C4orf50: variants seen among roughly 807,000 people sequenced by gnomAD.
C4orf50 encodes uncharacterized protein C4orf50.
Under a neutral mutation model 77.2 loss-of-function variants are expected in C4orf50, and 80 were observed. That is an observed-to-expected ratio of 1.04 (90% CI 0.87 to 1.25). The LOEUF is 1.25. C4orf50 is among the 50% of genes most tolerant of loss of function. C4orf50 has a pLI of 0.00. For missense variants in C4orf50, 1,257 were observed against 1,152.9 expected (o/e 1.09, Z -1.31); for synonymous variants, 532 against 465.3 (o/e 1.14, Z -1.84).
intron 25 of C4orf50, among the ~76,000 whole-genome samples, chr4:5,997,847 G>A (rs192398119): frequency 7.2e-5 from 11 of 152,276 alleles, no homozygotes; most frequent in Admixed American, 5.9e-4. Context: ...TTCTCTACAG[G>A]ATCTTCTGCA....
At chr4:5,912,166 T>C (rs181924938) in intron 7 of C4orf50, among the ~76,000 whole-genome samples, 2 of 152,290 alleles carry the variant, frequency 1.3e-5, no homozygotes, top group Non-Finnish European at 2.9e-5. Flanking sequence ...CTATGGCTGA[T>C]TTTAAGCTGC....
chr4:5,947,991 C>T (rs947742092), intron 7 of C4orf50, among the ~76,000 whole-genome samples: 11 of 152,178 alleles, frequency 7.2e-5, no homozygotes, highest in African/African-American at 1.7e-4. Flanking sequence ...CCCCTATGTG[C>T]GCCCACAGGA....
intron 7 of C4orf50, among the ~76,000 whole-genome samples, chr4:5,937,743 G>A (rs180697157): frequency 1.6e-4 from 24 of 152,168 alleles, no homozygotes; most frequent in African/African-American, 4.3e-4. Flanking sequence ...GGGAAAAGGT[G>A]TACCAAGCAA....
chr4:5,958,625 G>A lies in C4orf50; in HGVS notation c.*750C>T, dbSNP rs3733190. The A allele has an allele frequency of 0.26, 39,432 of 151,968 alleles. 5,542 individuals are homozygous for A. Among genetic ancestry groups the A allele is most frequent in the Non-Finnish European group, 0.32 (21,701 of 67,992 alleles). 9.4% of individuals were successfully genotyped at this position (151,968 alleles called of 1,614,324 possible). ...TCTCCCATTGTCCTGTGAGGTCCCCGGCGCCAGGATCAACATTGACTTGTC... is the reference window on the plus strand; with the variant it reads ...TCTCCCATTGTCCTGTGAGGTCCCCAGCGCCAGGATCAACATTGACTTGTC... On this transcript the variant is annotated 3_prime_UTR_variant, in exon 34 of 34. Transcript: ENST00000531445. The surrounding 1 kb of genome is among the most constrained non-coding windows in gnomAD (Gnocchi z 5.4).
intron 29 of C4orf50, among the ~76,000 whole-genome samples, chr4:5,976,458 A>G (rs1203469704): frequency 2.9e-4 from 6 of 20,932 alleles, no homozygotes; most frequent in African/African-American, 4.1e-4. Flanking sequence ...TCTGTCTCGG[A>G]AAAAAAAAAA....
chr4:5,929,496 C>A (rs1040523795), intron 7 of C4orf50, among the ~76,000 whole-genome samples: 2 of 152,092 alleles, frequency 1.3e-5, no homozygotes, highest in African/African-American at 4.8e-5. Context: ...TTTTATAAAC[C>A]CAAGAGAACT....
chr4:5,955,296 C>T (rs189311208), downstream of C4orf50, among the ~76,000 whole-genome samples: 37 of 152,078 alleles, frequency 2.4e-4, no homozygotes, highest in African/African-American at 7.7e-4. The surrounding 1 kb of genome is among the most constrained non-coding windows in gnomAD (Gnocchi z 5.1). Flanking sequence ...ATGAAATCAC[C>T]GAGGCGGGGA....
At chr4:5,907,531 T>C (rs1297654667) in intron 7 of C4orf50, among the ~76,000 whole-genome samples, 1 of 152,066 alleles carries the variant, frequency 6.6e-6, no homozygotes, top group Admixed American at 6.5e-5. Flanking sequence ...AAATGAAAAA[T>C]AGAATAACTG....
chr4:5,966,700 AGTACAGTG>A (rs938266311), intron 32 of C4orf50, among the ~76,000 whole-genome samples: 2 of 148,144 alleles, frequency 1.4e-5, no homozygotes, highest in African/African-American at 2.5e-5. Flanking sequence ...ACTAGGCTGG[AGTACAGTG>A]GTGTTATCTC....
In C4orf50 at chr4:6,011,970, T is replaced by C. The variant is rs1181046372; in HGVS notation, c.288-2A>G. On this transcript the variant is annotated splice_acceptor_variant, in intron 23 of 33. Coordinates refer to ENST00000531445, the Ensembl canonical transcript of C4orf50. LOFTEE classifies it high-confidence loss of function. The surrounding 1 kb of genome is among the most constrained non-coding windows in gnomAD (Gnocchi z 4.2). ...TCTGACAGCTCCAGCTCCTGAATTC[T>C]GCAGCATGAAAAGCAGGGAGGCACT... is the stretch of plus-strand genomic sequence containing the variant. The C allele has an allele frequency of 1.5e-5, 6 of 398,958 alleles. No individual in the cohort carries two copies. In the South Asian group the frequency reaches 3.8e-4, roughly 25 times the overall value. The allele number at this position is 398,958 out of a possible 1,614,324, so 24.7% of individuals were successfully genotyped here. A position where few individuals can be genotyped will look rare whatever the true frequency, so the allele number is the denominator to read the frequency against.
chr4:5,982,714 G>C (rs1160138912), intron 28 of C4orf50, among the ~76,000 whole-genome samples: 1 of 152,056 alleles, frequency 6.6e-6, no homozygotes, highest in East Asian at 1.9e-4. Context: ...GCAGAGTTGG[G>C]AGGAGACACA....
intron 25 of C4orf50, among the ~76,000 whole-genome samples, chr4:5,998,914 A>C (rs1018940008): frequency 2.0e-5 from 3 of 152,200 alleles, no homozygotes; most frequent in Non-Finnish European, 4.4e-5. Context: ...CCCTGAGCAG[A>C]AACCCTGTCC....
chr4:6,001,284 G>A (rs1333891584), intron 25 of C4orf50, among the ~76,000 whole-genome samples: 1 of 152,162 alleles, frequency 6.6e-6, no homozygotes, highest in Admixed American at 6.5e-5. Context: ...CGAGTAGCTG[G>A]GATTACAGGC....
Position 6,018,367 on chromosome 4 carries a change from C to T in C4orf50, c.65G>A (p.Ser22Asn), listed in dbSNP as rs993623705. The change falls in exon 23 of 34, where the codon AGT (serine) becomes AAT (asparagine). Residue 22 changes from serine to asparagine, a missense_variant. By Grantham distance (46) the Ser-to-Asn change is conservative. Coordinates refer to ENST00000531445, the Ensembl canonical transcript of C4orf50. This position sits in a 1 kb window ranked among gnomAD's most constrained non-coding sequence, Gnocchi z 5.1. ...AACGTTCATTATGTCGAACCCCTCACTGCTGGGGGCTCTGATGACGTAGCT... is the reference window on the plus strand; with the variant it reads ...AACGTTCATTATGTCGAACCCCTCATTGCTGGGGGCTCTGATGACGTAGCT... The T allele has an allele frequency of 1.0e-5, 4 of 398,946 alleles. No individual in the cohort carries two copies. The highest frequency in any genetic ancestry group is 8.2e-5 in the African/African-American group (4 of 48,628). 24.7% of individuals were successfully genotyped at this position (398,946 alleles called of 1,614,324 possible).
chr4:5,946,320 C>A (rs1465273040), intron 7 of C4orf50, among the ~76,000 whole-genome samples: 3 of 152,192 alleles, frequency 2.0e-5, no homozygotes, highest in Admixed American at 2.0e-4. Context: ...GCCTTCTTCA[C>A]AAACCCAAAA....
At chr4:6,016,328 C>A (rs1722680895) in intron 23 of C4orf50, among the ~76,000 whole-genome samples, 1 of 152,142 alleles carries the variant, frequency 6.6e-6, no homozygotes, top group Non-Finnish European at 1.5e-5. Context: ...GCAGGCAGAT[C>A]GCTTGAGGTC....
chr4:5,948,590 A>T (rs908283980), intron 7 of C4orf50, among the ~76,000 whole-genome samples: 8 of 152,276 alleles, frequency 5.3e-5, no homozygotes, highest in African/African-American at 1.9e-4. Flanking sequence ...AGGTCAGCAG[A>T]TCCAGACAAT....
intron 7 of C4orf50, among the ~76,000 whole-genome samples, chr4:5,927,527 T>A (rs936806302): frequency 2.0e-5 from 3 of 151,860 alleles, no homozygotes; most frequent in Non-Finnish European, 2.9e-5. Context: ...TAGGAGGTGA[T>A]TAGATCATGG....
intron 25 of C4orf50, among the ~76,000 whole-genome samples, chr4:5,994,823 C>G (rs1721491950): frequency 6.6e-6 from 1 of 152,194 alleles, no homozygotes; most frequent in African/African-American, 2.4e-5. Context: ...CTGTTAGGAC[C>G]TGGGCCGTAC....
Sources: allele counts gnomAD v4.1 joint callset (sites outside exome capture counted in the v4.1 genomes callset), GRCh38; gene constraint gnomAD v4.1.1; non-coding constraint Gnocchi (gnomAD v3.1); transcripts MANE v1.5; gene names NCBI Gene and HGNC (gene_info 2026-07-23, HGNC 2026-07-21).